FAM107B: variants seen among roughly 807,000 people sequenced by gnomAD.
FAM107B encodes protein FAM107B.
Under a neutral mutation model 31.5 loss-of-function variants are expected in FAM107B, and 21 were observed. The observed-to-expected ratio is 0.67, with a 90% CI of 0.47 to 0.96. FAM107B has a LOEUF of 0.96. FAM107B is among the 40% of genes least tolerant of loss of function. FAM107B has a pLI of 0.00. For missense variants in FAM107B, 452 were observed against 377.1 expected (o/e 1.20, Z -1.64); for synonymous variants, 157 against 141.5 (o/e 1.11, Z -0.78).
chr10:14,745,834 G>A (rs187195969), intron 1 of FAM107B, among the ~76,000 whole-genome samples: 20 of 152,250 alleles, frequency 1.3e-4, no homozygotes, highest in African/African-American at 4.6e-4. Flanking sequence ...CCAGAGCTGA[G>A]TTCAGGTTCT....
At chr10:14,745,240 T>C (rs1395350843) in intron 1 of FAM107B, among the ~76,000 whole-genome samples, 1 of 152,082 alleles carries the variant, frequency 6.6e-6, no homozygotes, top group African/African-American at 2.4e-5. Context: ...TTATTTTTTT[T>C]CAAAAAACCA....
intron 2 of FAM107B, among the ~76,000 whole-genome samples, chr10:14,642,172 G>T (rs1240794095): frequency 2.6e-5 from 4 of 152,230 alleles, no homozygotes; most frequent in Non-Finnish European, 5.9e-5. Context: ...AATCCTATTA[G>T]ATCTTAAGGC....
intron 2 of FAM107B, among the ~76,000 whole-genome samples, chr10:14,566,798 T>C (rs189484837): frequency 3.3e-5 from 5 of 152,300 alleles, no homozygotes; most frequent in Admixed American, 2.0e-4. Flanking sequence ...TGTCGTAAGA[T>C]AGGAGAGACC....
At chr10:14,685,754 C>T (rs963625078) in intron 1 of FAM107B, among the ~76,000 whole-genome samples, 2 of 152,120 alleles carry the variant, frequency 1.3e-5, no homozygotes, top group African/African-American at 2.4e-5. Flanking sequence ...GTTTTATATC[C>T]GCTCAGTCTC....
intron 2 of FAM107B, among the ~76,000 whole-genome samples, chr10:14,614,267 G>A (rs1348738915): frequency 6.6e-6 from 1 of 152,184 alleles, no homozygotes; most frequent in Non-Finnish European, 1.5e-5. Context: ...ATCAGTGTGT[G>A]TGTGATACTG....
At chr10:14,716,226 A>C (rs1473241820) in intron 1 of FAM107B, among the ~76,000 whole-genome samples, 1 of 152,154 alleles carries the variant, frequency 6.6e-6, no homozygotes, top group Non-Finnish European at 1.5e-5. Flanking sequence ...TCATTAGGTC[A>C]CTCAGCCCTT....
At chr10:14,619,334 G>T (rs948309951) in intron 2 of FAM107B, among the ~76,000 whole-genome samples, 4 of 152,184 alleles carry the variant, frequency 2.6e-5, no homozygotes, top group African/African-American at 9.7e-5. Context: ...AGTCCTGGTT[G>T]TTCTATGATC....
intron 2 of FAM107B, among the ~76,000 whole-genome samples, chr10:14,637,515 G>T (rs1255956467): frequency 6.6e-6 from 1 of 152,022 alleles, no homozygotes; most frequent in Non-Finnish European, 1.5e-5. Flanking sequence ...ACTTTTTATG[G>T]TGCTTGTAGT....
intron 1 of FAM107B, among the ~76,000 whole-genome samples, chr10:14,698,972 C>G (rs1208731739): frequency 6.6e-6 from 1 of 152,170 alleles, no homozygotes; most frequent in Non-Finnish European, 1.5e-5. Flanking sequence ...CTCCACATCT[C>G]TTTCAGAGGT....
intron 2 of FAM107B, among the ~76,000 whole-genome samples, chr10:14,613,314 A>G (rs1182320205): frequency 6.6e-6 from 1 of 152,190 alleles, no homozygotes; most frequent in East Asian, 1.9e-4. Flanking sequence ...AAATGTTATC[A>G]TAGAACAATA....
At chr10:14,767,049 TATATATAGAGAGAGAG>T (rs1270477324) in intron 1 of FAM107B, among the ~76,000 whole-genome samples, 74 of 36,042 alleles carry the variant, frequency 2.1e-3, no homozygotes, top group African/African-American at 6.9e-3. Flanking sequence ...TATATATATA[TATATATAGAGAGAGAG>T]AGAGAGAGAG....
At chr10:14,690,584 C>G (rs1302962090) in intron 1 of FAM107B, among the ~76,000 whole-genome samples, 1 of 152,114 alleles carries the variant, frequency 6.6e-6, no homozygotes, top group Non-Finnish European at 1.5e-5. Flanking sequence ...TCCCGAGTAG[C>G]TGGGACTACA....
chr10:14,573,008 A>G (rs911973734), intron 2 of FAM107B, among the ~76,000 whole-genome samples: 5 of 152,008 alleles, frequency 3.3e-5, no homozygotes, highest in African/African-American at 1.2e-4. Flanking sequence ...TGGAATTACC[A>G]TTGCAGAGGC....
At chr10:14,543,691 TAAA>T (rs11318873) in intron 2 of FAM107B, among the ~76,000 whole-genome samples, 1 of 138,854 alleles carries the variant, frequency 7.2e-6, no homozygotes, top group African/African-American at 2.7e-5. Flanking sequence ...CTAAAAACTT[TAAA>T]AAAAAAAAAA....
chr10:14,760,787 G>A (rs11259317), intron 1 of FAM107B, among the ~76,000 whole-genome samples: 24 of 151,994 alleles, frequency 1.6e-4, no homozygotes, highest in African/African-American at 4.6e-4. Flanking sequence ...CCAGGTGGGC[G>A]GATCACTTGA....
rs1440609298 is a variant in FAM107B, at chr10:14,767,055, T to TATAG, written c.411+7197_411+7198insCTAT. Among the ~76,000 whole-genome samples, 34 of 18,274 alleles carry TATAG rather than the reference T, an allele frequency of 1.9e-3. 1 individual carries two copies. Among genetic ancestry groups the TATAG allele is most frequent in the Middle Eastern group, 0.025 (1 of 40 alleles). The allele number at this position is 18,274 out of a possible 152,430, so 12.0% of individuals were successfully genotyped here. ...ATATATATATATATATATATATATA[T>TATAG]AGAGAGAGAGAGAGAGAGAGAGAGA... is the stretch of plus-strand genomic sequence containing the variant. On this transcript the variant is annotated intron_variant, in intron 1 of 4. Coordinates refer to ENST00000181796, the MANE Select transcript of FAM107B (RefSeq NM_031453.4).
At position 14,639,098 on chromosome 10, in the gene FAM107B, G is replaced by C. The variant is rs79068458; in HGVS notation, c.469+28536C>G. On this transcript the variant is annotated intron_variant, in intron 2 of 4. Transcript: ENST00000181796. ...AGTCCAAGCTATTTGGGGGGTTGAGGGGGGAGGATTGCTTGAGCCTGAGAG... is the reference window on the plus strand; with the variant it reads ...AGTCCAAGCTATTTGGGGGGTTGAGCGGGGAGGATTGCTTGAGCCTGAGAG... Among the ~76,000 whole-genome samples the C allele has an allele frequency of 7.5e-3, 1,147 of 152,230 alleles. 6 individuals carry two copies. Among genetic ancestry groups the C allele is most frequent in the African/African-American group, 0.027 (1,106 of 41,530 alleles).
At chr10:14,579,633 C>G (rs1361086193) in intron 2 of FAM107B, among the ~76,000 whole-genome samples, 1 of 152,180 alleles carries the variant, frequency 6.6e-6, no homozygotes. Flanking sequence ...ACAAGGGCAA[C>G]AGAATTTCAA....
At chr10:14,774,109 C>A in intron 1 of FAM107B, 144 bp downstream of exon 1, 1 of 973,016 alleles carries the variant, frequency 1.0e-6, no homozygotes, top group Non-Finnish European at 1.5e-6. Flanking sequence ...ACGGCTTTAA[C>A]ACACTTCTTC....
Sources: gnomAD v4.1 joint callset for allele counts (sites outside exome capture counted in the v4.1 genomes callset) on GRCh38, gnomAD v4.1.1 for gene constraint, MANE v1.5 for transcripts, NCBI Gene and HGNC (gene_info 2026-07-23, HGNC 2026-07-21) for gene names.